The following ATG5 variants were observed in gnomAD, a reference collection of about 807,000 sequenced individuals.
ATG5 encodes autophagy protein 5.
Under a neutral mutation model 36.5 loss-of-function variants are expected in ATG5, and 14 were observed. That is an observed-to-expected ratio of 0.38 (90% CI 0.25 to 0.60). The LOEUF (loss-of-function observed/expected upper bound fraction) is 0.60. Ranked by LOEUF, ATG5 falls within the 20% of genes least tolerant of loss-of-function variation. ATG5 has a pLI of 0.60. For missense variants in ATG5, 195 were observed against 326.7 expected (o/e 0.60, Z 3.11); for synonymous variants, 95 against 101.5 (o/e 0.94, Z 0.38).
intron 6 of ATG5, among the ~76,000 whole-genome samples, chr6:106,204,197 G>C (rs976924196): frequency 4.6e-5 from 7 of 151,932 alleles, no homozygotes; most frequent in African/African-American, 1.7e-4. Flanking sequence ...TGCACATTCT[G>C]CACATGTATT....
chr6:106,244,075 C>T lies in ATG5; in HGVS notation c.573+4075G>A, dbSNP rs183149523. Among the ~76,000 whole-genome samples, 593 of 151,608 alleles carry T rather than the reference C, an allele frequency of 3.9e-3. 1 individual carries two copies. Among genetic ancestry groups the T allele is most frequent in the African/African-American group, 0.013 (537 of 41,358 alleles). ...GACTACAGGTGCTTACCACCCCATC[C>T]GGCTCATTTAAAAAAATTTTTTTGT... is the stretch of plus-strand genomic sequence containing the variant. On this transcript the variant is annotated intron_variant, in intron 6 of 7. Coordinates refer to ENST00000369076, the MANE Select transcript of ATG5 (RefSeq NM_004849.4).
At chr6:106,297,202 A>T (rs1769990189) in intron 3 of ATG5, among the ~76,000 whole-genome samples, 1 of 152,138 alleles carries the variant, frequency 6.6e-6, no homozygotes, top group African/African-American at 2.4e-5. Flanking sequence ...TATGACAAAA[A>T]CCTGGACCAT....
At chr6:106,230,838 C>A (rs1385925094) in intron 6 of ATG5, among the ~76,000 whole-genome samples, 1 of 152,142 alleles carries the variant, frequency 6.6e-6, no homozygotes, top group African/African-American at 2.4e-5. Flanking sequence ...AATTATAACA[C>A]CATCTTACAG....
intron 5 of ATG5, among the ~76,000 whole-genome samples, chr6:106,249,309 T>A (rs1273172276): frequency 6.6e-6 from 1 of 152,178 alleles, no homozygotes; most frequent in African/African-American, 2.4e-5. Flanking sequence ...TCTCTATAGT[T>A]TGCCTATTCC....
At chr6:106,257,252 C>A (rs1029345470) in intron 5 of ATG5, among the ~76,000 whole-genome samples, 3 of 152,146 alleles carry the variant, frequency 2.0e-5, no homozygotes, top group Non-Finnish European at 4.4e-5. Context: ...TCCTATTTTA[C>A]AGCTAACTTT....
At chr6:106,194,224 GT>G (rs1337128381) in intron 7 of ATG5, among the ~76,000 whole-genome samples, 1 of 152,022 alleles carries the variant, frequency 6.6e-6, no homozygotes, top group African/African-American at 2.4e-5. Flanking sequence ...GGGAATTGGA[GT>G]TTTTTTTATT....
intron 7 of ATG5, among the ~76,000 whole-genome samples, chr6:106,197,864 T>A (rs1562205384): frequency 6.6e-6 from 1 of 152,178 alleles, no homozygotes; most frequent in Non-Finnish European, 1.5e-5. Flanking sequence ...GCATCTAGTT[T>A]TTAATGTTCT....
rs1400865228 is a variant in ATG5 at position 106,241,294 on chromosome 6, T to G, written c.573+6856A>C. Among the ~76,000 whole-genome samples the G allele has an allele frequency of 4.6e-5, 7 of 152,284 alleles. No individual in the cohort carries two copies. In the East Asian group the frequency reaches 1.3e-3, roughly 29 times the overall value. ...AAAGATGCAGAGCACTATTCATTAG[T>G]GATTACATCCCACATGCATTAGGAT... On this transcript the variant is annotated intron_variant, in intron 6 of 7. Transcript: ENST00000369076.
intron 6 of ATG5, among the ~76,000 whole-genome samples, chr6:106,212,595 T>C (rs1272248112): frequency 6.6e-6 from 1 of 152,110 alleles, no homozygotes; most frequent in Non-Finnish European, 1.5e-5. Flanking sequence ...GCTGACACCG[T>C]CCCACTGCAC....
intron 6 of ATG5, among the ~76,000 whole-genome samples, chr6:106,232,731 A>G (rs1373191574): frequency 6.6e-6 from 1 of 152,142 alleles, no homozygotes; most frequent in South Asian, 2.1e-4. Context: ...AGGTTAGTGC[A>G]AGATCTCAGG....
At chr6:106,287,827 T>G (rs903137059) in intron 4 of ATG5, among the ~76,000 whole-genome samples, 8 of 152,106 alleles carry the variant, frequency 5.3e-5, no homozygotes, top group African/African-American at 1.9e-4. Context: ...CTGTAAGTAA[T>G]CTTTTAACTG....
At chr6:106,200,307 A>G (rs753810203) in intron 7 of ATG5, among the ~76,000 whole-genome samples, 37 of 152,202 alleles carry the variant, frequency 2.4e-4, no homozygotes, top group Non-Finnish European at 4.7e-4. Flanking sequence ...ACTGTGTGGT[A>G]TATGTCATGC....
At chr6:106,279,569 A>G in intron 5 of ATG5, 92 bp downstream of exon 5, 2 of 1,136,614 alleles carry the variant, frequency 1.8e-6, no homozygotes, top group Non-Finnish European at 2.3e-6. Context: ...AACTTGTACC[A>G]CCAATTCTAA....
intron 6 of ATG5, among the ~76,000 whole-genome samples, chr6:106,223,734 C>T (rs981701537): frequency 1.1e-4 from 16 of 152,172 alleles, no homozygotes; most frequent in Non-Finnish European, 2.2e-4. Flanking sequence ...TACAGAGAAA[C>T]TACATACATG....
intron 4 of ATG5, among the ~76,000 whole-genome samples, chr6:106,292,123 T>C (rs1040978935): frequency 1.3e-5 from 2 of 152,168 alleles, no homozygotes; most frequent in Non-Finnish European, 2.9e-5. Context: ...GGTGGATCAC[T>C]TGACTTGAGG....
intron 1 of ATG5, among the ~76,000 whole-genome samples, chr6:106,317,940 T>C (rs1770916718): frequency 6.6e-6 from 1 of 152,250 alleles, no homozygotes; most frequent in Admixed American, 6.5e-5. Context: ...CAGTTGTTTC[T>C]GCAGCCATGA....
chr6:106,272,852 TGA>T (rs1423366673), intron 5 of ATG5, among the ~76,000 whole-genome samples: 1 of 152,124 alleles, frequency 6.6e-6, no homozygotes, highest in Non-Finnish European at 1.5e-5. Context: ...TGATTAAACA[TGA>T]GAGTATAAAA....
chr6:106,239,327 A>G (rs559713727), intron 6 of ATG5, among the ~76,000 whole-genome samples: 42 of 152,200 alleles, frequency 2.8e-4, no homozygotes, highest in Non-Finnish European at 4.1e-4. Flanking sequence ...TCTATGCAGA[A>G]CATAAAACAA....
Position 106,269,046 on chromosome 6 carries a change from T to C in ATG5, c.478+10615A>G, listed in dbSNP as rs553645334. ...ATGTATCCTAGAACTTAAAGTAAAA[T>C]AAAATAAAAGTTTTCCATTCTCTGA... On this transcript the variant is annotated intron_variant, in intron 5 of 7. Coordinates refer to ENST00000369076, the MANE Select transcript of ATG5 (RefSeq NM_004849.4). Among the ~76,000 whole-genome samples the C allele has an allele frequency of 1.2e-4, 18 of 152,166 alleles. No homozygotes were observed. In the South Asian group the frequency reaches 3.1e-3, roughly 26 times the overall value.
Sources: gnomAD v4.1 joint callset for allele counts (sites outside exome capture counted in the v4.1 genomes callset) on GRCh38, gnomAD v4.1.1 for gene constraint, MANE v1.5 for transcripts, NCBI Gene and HGNC (gene_info 2026-07-23, HGNC 2026-07-21) for gene names.